Variants in FBXL2 observed in about 807,000 individuals in gnomAD.
FBXL2 encodes F-box and leucine rich repeat protein 2.
In FBXL2, 38 loss-of-function variants were observed where a neutral mutation model predicts 69.2. The ratio of observed to expected loss-of-function variants is 0.55; its 90% CI spans 0.42 to 0.72. The LOEUF (loss-of-function observed/expected upper bound fraction) is 0.72, where lower values mean the gene tolerates loss of function less well. Ranked by LOEUF, FBXL2 falls within the 30% of genes least tolerant of loss-of-function variation. The pLI, the probability that FBXL2 is intolerant of heterozygous loss-of-function variation, is 0.00. For synonymous variants in FBXL2, 192 were observed against 201.3 expected (o/e 0.95, Z 0.39); for missense variants, 354 against 520.3 (o/e 0.68, Z 3.11).
At chr3:33,378,586 A>G in intron 12 of FBXL2, 99 bp from the exon 13 acceptor site, 1 of 1,259,920 alleles carries the variant, frequency 7.9e-7, no homozygotes, top group Non-Finnish European at 1.1e-6. Flanking sequence ...TGAGTTTTTA[A>G]TTCTTTTACA....
At chr3:33,376,159 AAAAAAAAAC>A (rs2042625223) in intron 10 of FBXL2, among the ~76,000 whole-genome samples, 2 of 151,984 alleles carry the variant, frequency 1.3e-5, no homozygotes, top group Admixed American at 6.5e-5. Context: ...CCCATCTCAA[AAAAAAAAAC>A]AAAAAAAACA....
chr3:33,413,709 A>C, the FBXL2 span, among the ~76,000 whole-genome samples: 2 of 152,012 alleles, frequency 1.3e-5, no homozygotes, highest in African/African-American at 4.8e-5. Context: ...TTTTTCTTTG[A>C]GATAAAGAGT....
At chr3:33,367,235 CCAT>C (rs1316671014) in intron 5 of FBXL2, among the ~76,000 whole-genome samples, 19 of 152,112 alleles carry the variant, frequency 1.2e-4, no homozygotes, top group African/African-American at 4.1e-4. Flanking sequence ...TCACCCACCA[CCAT>C]GCCTGGCTAA....
intron 2 of FBXL2, among the ~76,000 whole-genome samples, chr3:33,328,195 T>C (rs187829545): frequency 1.3e-5 from 2 of 152,100 alleles, no homozygotes; most frequent in Admixed American, 1.3e-4. Flanking sequence ...ATGAAAGAAA[T>C]TGAAGTGGAC....
At chr3:33,335,513 C>T (rs1473981414) in intron 2 of FBXL2, among the ~76,000 whole-genome samples, 1 of 152,050 alleles carries the variant, frequency 6.6e-6, no homozygotes, top group Non-Finnish European at 1.5e-5. Context: ...GCACTCCAGC[C>T]TGGGTGACAG....
chr3:33,416,113 G>A, the FBXL2 span: 1 of 152,198 alleles, frequency 6.6e-6, no homozygotes, highest in Non-Finnish European at 1.5e-5. Context: ...GTGGGAAGAT[G>A]GAAGGATCAA....
chr3:33,390,604 C>A, downstream of FBXL2: 1 of 562,752 alleles, frequency 1.8e-6, no homozygotes, highest in South Asian at 2.1e-5. Context: ...CGCCCGCATT[C>A]CAACACTGTC....
At chr3:33,313,657 A>G (rs1365587455) in intron 2 of FBXL2, among the ~76,000 whole-genome samples, 1 of 147,170 alleles carries the variant, frequency 6.8e-6, no homozygotes, top group East Asian at 2.0e-4. Context: ...TATGTTGCCC[A>G]GGCTGGTCTC....
chr3:33,351,844 A>G (rs2040847932), intron 2 of FBXL2, among the ~76,000 whole-genome samples: 2 of 152,066 alleles, frequency 1.3e-5, no homozygotes, highest in Non-Finnish European at 2.9e-5. Flanking sequence ...TGGAAAAGCA[A>G]GCTAGGTGCA....
Position 33,384,024 on chromosome 3 carries a change from G to C in FBXL2, c.987G>C (p.Gly329=). The change falls in exon 14 of 15, where the codon GGG becomes GGC. Residue 329 remains glycine (G), a synonymous_variant. Transcript: ENST00000484457. ...ACTGTGAACTCATCACAGATGATGG[G>C]ATCCTGCACCTGAGCAACAGTACCT... is the stretch of plus-strand genomic sequence containing the variant. ...LSHCELITDD[G]ILHLSNSTCG... is the part of the protein sequence containing the mutation. The C allele has an allele frequency of 6.2e-7, 1 of 1,614,116 alleles. No homozygotes were observed. Among genetic ancestry groups the C allele is most frequent in the Non-Finnish European group, 8.5e-7 (1 of 1,180,008 alleles).
intron 2 of FBXL2, among the ~76,000 whole-genome samples, chr3:33,314,570 A>G (rs1001609171): frequency 6.6e-6 from 1 of 152,202 alleles, no homozygotes; most frequent in Non-Finnish European, 1.5e-5. Flanking sequence ...AACTTTTTGT[A>G]TTCCGTTACA....
At chr3:33,292,325 G>C (rs2035311646) in intron 1 of FBXL2, among the ~76,000 whole-genome samples, 1 of 152,146 alleles carries the variant, frequency 6.6e-6, no homozygotes, top group Non-Finnish European at 1.5e-5. Context: ...GTTGCAGCGA[G>C]CCAAGATCAT....
intron 2 of FBXL2, among the ~76,000 whole-genome samples, chr3:33,335,066 A>G (rs1000484160): frequency 6.6e-6 from 1 of 152,032 alleles, no homozygotes; most frequent in African/African-American, 2.4e-5. Flanking sequence ...ACGCCACTGC[A>G]CTCCAGCCTG....
At chr3:33,338,989 A>G (rs923158236) in intron 2 of FBXL2, among the ~76,000 whole-genome samples, 3 of 152,134 alleles carry the variant, frequency 2.0e-5, no homozygotes, top group African/African-American at 7.2e-5. Context: ...GTAAACAGAC[A>G]CCCTACAGAA....
At chr3:33,416,782 A>C in the FBXL2 span, 62 of 1,613,334 alleles carry the variant, frequency 3.8e-5, no homozygotes, top group Admixed American at 3.3e-5. Context: ...CATTGATCTC[A>C]GGCATATCAC....
At chr3:33,281,120 T>C (rs2033951887) in intron 1 of FBXL2, among the ~76,000 whole-genome samples, 1 of 152,230 alleles carries the variant, frequency 6.6e-6, no homozygotes, top group African/African-American at 2.4e-5. Context: ...TACGTATGTA[T>C]ACATGGGCCA....
chr3:33,295,989 G>A (rs956957850), intron 1 of FBXL2, among the ~76,000 whole-genome samples: 7 of 151,994 alleles, frequency 4.6e-5, no homozygotes, highest in Non-Finnish European at 7.4e-5. Flanking sequence ...TGTGATTTGC[G>A]GATATTGTCT....
chr3:33,303,539 G>C (rs1346746130), intron 2 of FBXL2, among the ~76,000 whole-genome samples: 1 of 152,030 alleles, frequency 6.6e-6, no homozygotes, highest in African/African-American at 2.4e-5. Context: ...CTGATAGGAA[G>C]GATAGAAACT....
intron 1 of FBXL2, among the ~76,000 whole-genome samples, chr3:33,287,459 T>G (rs1559489138): frequency 6.6e-6 from 1 of 152,120 alleles, no homozygotes; most frequent in Non-Finnish European, 1.5e-5. Context: ...GAAATTGGCA[T>G]TTGTTATTTA....
Sources: allele counts gnomAD v4.1 joint callset (sites outside exome capture counted in the v4.1 genomes callset), GRCh38; gene constraint gnomAD v4.1.1; transcripts MANE v1.5; gene names NCBI Gene and HGNC (gene_info 2026-07-23, HGNC 2026-07-21).